Variants in CUL4A observed in about 807,000 individuals in gnomAD.
The protein encoded by CUL4A is cullin-4A.
Under a neutral mutation model 95.5 loss-of-function variants are expected in CUL4A, and 16 were observed. The ratio of observed to expected loss-of-function variants is 0.17; its 90% CI spans 0.11 to 0.25. The LOEUF (loss-of-function observed/expected upper bound fraction) is 0.25, where lower values mean the gene tolerates loss of function less well. Ranked by LOEUF, CUL4A falls within the 10% of genes least tolerant of loss-of-function variation. The pLI, the probability that CUL4A is intolerant of heterozygous loss-of-function variation, is 1.00. For synonymous variants in CUL4A, 380 were observed against 353.1 expected, an observed-to-expected ratio of 1.08 and a Z score of -0.85; for missense variants, 610 against 937.0, an observed-to-expected ratio of 0.65 and a Z score of 4.56.
chr13:113,216,090 G>A lies in CUL4A; in HGVS notation c.265-2855G>A, dbSNP rs1030844174. Among the ~76,000 whole-genome samples the A allele has an allele frequency of 2.7e-5, 4 of 149,714 alleles. No homozygotes were observed. The South Asian group carries it at 6.4e-4, about 24-fold the overall frequency. ...GTCTTTGTGTGACTATGGAGGTCACGTCCCATGTGGCTGTGGAGGTCGCTG... is the reference window on the plus strand; with the variant it reads ...GTCTTTGTGTGACTATGGAGGTCACATCCCATGTGGCTGTGGAGGTCGCTG... On this transcript the variant is annotated intron_variant, in intron 2 of 19. Coordinates refer to ENST00000375440, the MANE Select transcript of CUL4A (RefSeq NM_001008895.4).
At chr13:113,246,112 C>G in intron 15 of CUL4A, 49 bp downstream of exon 15, 8 of 1,387,264 alleles carry the variant, frequency 5.8e-6, no homozygotes, top group Non-Finnish European at 8.1e-6. Flanking sequence ...ATGCCCTTAC[C>G]AGGCACAGAT....
chr13:113,233,789 C>T (rs2041447062), intron 6 of CUL4A, 108 bp from the exon 7 acceptor site: 2 of 758,890 alleles, frequency 2.6e-6, no homozygotes, highest in Non-Finnish European at 4.6e-6. Context: ...ACAGGCGCCT[C>T]CAAGTTCAGG....
At chr13:113,254,588 CCTT>C (rs1375586407) in intron 16 of CUL4A, 102 bp from the exon 17 acceptor site, 8 of 719,148 alleles carry the variant, frequency 1.1e-5, no homozygotes, top group African/African-American at 5.5e-5. Context: ...GAGCGAGACT[CCTT>C]CTCAAAAAAA....
chr13:113,209,815 CG>C, intron 1 of CUL4A, 40 bp downstream of exon 1: 1 of 1,114,642 alleles, frequency 9.0e-7, no homozygotes, highest in East Asian at 4.5e-5. Context: ...GCGCCCCGGG[CG>C]GGGACCCCAC....
At chr13:113,253,751 T>G (rs917191453) in intron 16 of CUL4A, among the ~76,000 whole-genome samples, 4 of 152,130 alleles carry the variant, frequency 2.6e-5, no homozygotes, top group African/African-American at 9.7e-5. Flanking sequence ...ATGAGAATAG[T>G]GGTTGCAGTG....
chr13:113,226,609 C>T (rs1351133144), intron 3 of CUL4A, among the ~76,000 whole-genome samples: 2 of 152,150 alleles, frequency 1.3e-5, no homozygotes, highest in African/African-American at 4.8e-5. Context: ...TGGGCCTTTT[C>T]CTAAAAATAC....
chr13:113,234,331 C>G (rs759272805), intron 7 of CUL4A, among the ~76,000 whole-genome samples: 1 of 152,006 alleles, frequency 6.6e-6, no homozygotes, highest in Admixed American at 6.6e-5. Flanking sequence ...TTGTGTGAAG[C>G]ACTGCAAAAA....
intron 1 of CUL4A, 79 bp downstream of exon 1, chr13:113,209,854 C>A: frequency 8.7e-7 from 1 of 1,147,840 alleles, no homozygotes; most frequent in Non-Finnish European, 1.1e-6. Context: ...GGGGGGAAGG[C>A]CCCGAGATCC....
chr13:113,208,670 G>C, upstream of CUL4A: 1 of 1,591,242 alleles, frequency 6.3e-7, no homozygotes, highest in Non-Finnish European at 8.5e-7. Context: ...CACCCCCTAC[G>C]CCTCAAGCGG....
At chr13:113,239,375 T>G in intron 9 of CUL4A, 58 bp from the exon 10 acceptor site, 139 of 1,403,300 alleles carry the variant, frequency 9.9e-5, no homozygotes, top group Non-Finnish European at 1.3e-4. Context: ...GTATTCTAGT[T>G]GAGTTGTTGT....
At chr13:113,212,071 AT>A (rs922721977) in intron 2 of CUL4A, among the ~76,000 whole-genome samples, 2 of 152,216 alleles carry the variant, frequency 1.3e-5, no homozygotes, top group African/African-American at 4.8e-5. Flanking sequence ...GATGCTAAGC[AT>A]CTTTGTATTT....
chr13:113,235,573 A>C (rs993574112), intron 8 of CUL4A, among the ~76,000 whole-genome samples: 3 of 152,166 alleles, frequency 2.0e-5, no homozygotes, highest in South Asian at 2.1e-4. Context: ...CTAGGGAAAC[A>C]AAAAGGGAGA....
Position 113,228,004 on chromosome 13 carries a change from A to G in CUL4A, c.397A>G (p.Lys133Glu). 6.2e-7 allele frequency: 1 copy of G among 1,613,700 alleles called. No individual in the cohort carries two copies. Among genetic ancestry groups the G allele is most frequent in the Non-Finnish European group, 8.5e-7 (1 of 1,179,590 alleles). ...EDSLDSVLFL[K>E]KINTCWQDHC... ...CTCACTAGATAGTGTTTTATTTTTA[A>G]AGAAGATTAACACGTGCTGGCAGGA... The change falls in exon 4 of 20, where the codon AAG becomes GAG. Residue 133 changes from lysine to glutamate, a missense_variant. By Grantham distance (56) the Lys-to-Glu change is moderately conservative (BLOSUM62 1). Transcript: ENST00000375440.
intron 2 of CUL4A, 127 bp from the exon 3 acceptor site, chr13:113,218,818 C>G (rs1287919326): frequency 3.4e-6 from 2 of 595,312 alleles, no homozygotes; most frequent in Middle Eastern, 2.6e-4. Context: ...TTTGTAGATT[C>G]CTGAAGTACT....
At chr13:113,254,604 A>G in intron 16 of CUL4A, 89 bp from the exon 17 acceptor site, 2 of 928,848 alleles carry the variant, frequency 2.2e-6, no homozygotes, top group Non-Finnish European at 3.3e-6. Flanking sequence ...CAAAAAAAAA[A>G]AAGTTTGAGA....
chr13:113,253,591 T>G (rs1335034040), intron 16 of CUL4A, among the ~76,000 whole-genome samples: 2 of 152,168 alleles, frequency 1.3e-5, no homozygotes, highest in African/African-American at 4.8e-5. Flanking sequence ...AAAAACAGAC[T>G]CTTGCCCACT....
At chr13:113,208,761 C>T, upstream of CUL4A, 2 of 1,447,060 alleles carry the variant, frequency 1.4e-6, no homozygotes, top group Admixed American at 2.6e-5. Flanking sequence ...AGGTTGGTTC[C>T]GGAGGGAGAA....
Position 113,246,493 on chromosome 13 carries a change from A to G in CUL4A, c.1638+430A>G, listed in dbSNP as rs80350137. 2.5e-3 allele frequency among the ~76,000 whole-genome samples: 383 copies of G among 152,328 alleles called. 2 individuals are homozygous for G. Among genetic ancestry groups the G allele is most frequent in the Non-Finnish European group, 3.6e-3 (244 of 68,034 alleles). On this transcript the variant is annotated intron_variant, in intron 15 of 19. Coordinates refer to ENST00000375440, the MANE Select transcript of CUL4A (RefSeq NM_001008895.4). ...CGCCGGAGGTAGAATTCTGTGCTCA[A>G]TGAAGTTAACATCAGCAGGAGATAC...
At chr13:113,213,168 G>A (rs756529289) in intron 2 of CUL4A, among the ~76,000 whole-genome samples, 9 of 152,104 alleles carry the variant, frequency 5.9e-5, no homozygotes, top group South Asian at 4.2e-4. Context: ...TGGCCTGATC[G>A]CTTGAGCCCA....
Sources: allele counts gnomAD v4.1 joint callset (sites outside exome capture counted in the v4.1 genomes callset), GRCh38; gene constraint gnomAD v4.1.1; transcripts MANE v1.5; gene names NCBI Gene and HGNC (gene_info 2026-07-23, HGNC 2026-07-21).